TACR3: variants seen among roughly 807,000 people sequenced by gnomAD.
TACR3 encodes tachykinin receptor 3.
Under a neutral mutation model 35.0 loss-of-function variants are expected in TACR3, and 34 were observed. The ratio of observed to expected loss-of-function variants is 0.97; its 90% confidence interval spans 0.74 to 1.30. The LOEUF (loss-of-function observed/expected upper bound fraction) is 1.30. Ranked by LOEUF, TACR3 falls within the 50% of genes most tolerant of loss-of-function variation. TACR3 has a pLI of 0.00. For synonymous variants in TACR3, 233 were observed against 221.1 expected (o/e 1.05, Z -0.48); for missense variants, 558 against 591.7 (o/e 0.94, Z 0.59).
chr4:103,632,676 AAAAG>A (rs917656080), intron 3 of TACR3, among the ~76,000 whole-genome samples: 25 of 151,834 alleles, frequency 1.6e-4, no homozygotes, highest in African/African-American at 4.1e-4. Context: ...GAAATAAAGA[AAAAG>A]AAATATTGTC....
chr4:103,622,093 G>A (rs1157705683), intron 3 of TACR3, among the ~76,000 whole-genome samples: 2 of 152,284 alleles, frequency 1.3e-5, no homozygotes, highest in South Asian at 2.1e-4. Context: ...GAGACTTCTC[G>A]AAGGGGGAGT....
At chr4:103,619,850 C>T (rs6533101) in intron 3 of TACR3, among the ~76,000 whole-genome samples, 78,316 of 151,940 alleles carry the variant, frequency 0.52, 20,578 homozygotes, top group Middle Eastern at 0.6. Context: ...TGAAACAGCC[C>T]TGTATTCCAG....
At chr4:103,611,578 T>C (rs1724513843) in intron 3 of TACR3, among the ~76,000 whole-genome samples, 1 of 152,190 alleles carries the variant, frequency 6.6e-6, no homozygotes, top group African/African-American at 2.4e-5. Flanking sequence ...TTTGAACTAA[T>C]GCAATCTGTA....
intron 1 of TACR3, among the ~76,000 whole-genome samples, chr4:103,706,601 A>C (rs1011765202): frequency 7.2e-5 from 11 of 152,168 alleles, no homozygotes; most frequent in Non-Finnish European, 1.6e-4. Flanking sequence ...AGGGAGAGAA[A>C]GAAAGTACAT....
At chr4:103,677,517 A>G (rs1321464173) in intron 1 of TACR3, among the ~76,000 whole-genome samples, 1 of 152,194 alleles carries the variant, frequency 6.6e-6, no homozygotes, top group Non-Finnish European at 1.5e-5. Flanking sequence ...ACGGAATACT[A>G]TGCAGCCCTA....
intron 1 of TACR3, among the ~76,000 whole-genome samples, chr4:103,689,554 T>C (rs912322335): frequency 1.3e-4 from 20 of 150,508 alleles, no homozygotes; most frequent in African/African-American, 4.9e-4. Context: ...ACAACAACAA[T>C]AAAACCTCTA....
chr4:103,636,520 A>C (rs540466670), intron 3 of TACR3, among the ~76,000 whole-genome samples: 1 of 152,184 alleles, frequency 6.6e-6, no homozygotes, highest in South Asian at 2.1e-4. Flanking sequence ...TAAATAATAC[A>C]ATAATACAAT....
At chr4:103,612,485 A>G (rs1054552608) in intron 3 of TACR3, among the ~76,000 whole-genome samples, 1 of 151,464 alleles carries the variant, frequency 6.6e-6, no homozygotes, top group Admixed American at 6.6e-5. Context: ...CCCTGCTTAA[A>G]TGCAAATCCC....
rs541465282 is a variant in TACR3 at position 103,654,009 on chromosome 4, A to C, written c.888+2185T>G. ...AAACCACAATGAGATACCATCTCAC[A>C]CCAGTTAGAATGGCGAGCATTAAAA... On this transcript the variant is annotated intron_variant, in intron 3 of 4. Transcript: ENST00000304883. 1.4e-4 allele frequency among the ~76,000 whole-genome samples: 20 copies of C among 145,780 alleles called. No individual in the cohort carries two copies. In the East Asian group the frequency reaches 3.1e-3, roughly 23 times the overall value.
intron 1 of TACR3, among the ~76,000 whole-genome samples, chr4:103,690,810 A>G (rs1353282482): frequency 6.6e-6 from 1 of 151,890 alleles, no homozygotes; most frequent in Non-Finnish European, 1.5e-5. Context: ...GTGTGAGGTA[A>G]TGCATTTGTT....
chr4:103,696,793 T>G (rs960553709), intron 1 of TACR3, among the ~76,000 whole-genome samples: 30 of 152,204 alleles, frequency 2.0e-4, no homozygotes, highest in African/African-American at 6.5e-4. Flanking sequence ...CCATCAGTTA[T>G]TCTTCCATAA....
intron 3 of TACR3, among the ~76,000 whole-genome samples, chr4:103,601,036 C>T (rs1339827698): frequency 6.6e-6 from 1 of 152,118 alleles, no homozygotes; most frequent in Non-Finnish European, 1.5e-5. Flanking sequence ...TCTCGTTGAT[C>T]TGTCTAATGT....
At chr4:103,651,886 C>G (rs1033641425) in intron 3 of TACR3, among the ~76,000 whole-genome samples, 1 of 152,024 alleles carries the variant, frequency 6.6e-6, no homozygotes, top group Non-Finnish European at 1.5e-5. Context: ...AAATGTCATC[C>G]TGCACCTAGA....
chr4:103,612,645 A>G (rs1185605073), intron 3 of TACR3, among the ~76,000 whole-genome samples: 2 of 151,968 alleles, frequency 1.3e-5, no homozygotes, highest in African/African-American at 4.8e-5. Context: ...AGTACCTGGG[A>G]CTACAGGTGT....
At chr4:103,684,509 C>G (rs769358982) in intron 1 of TACR3, among the ~76,000 whole-genome samples, 1 of 152,132 alleles carries the variant, frequency 6.6e-6, no homozygotes, top group Non-Finnish European at 1.5e-5. Context: ...CATGCAGAAT[C>G]TACATGATGA....
intron 3 of TACR3, among the ~76,000 whole-genome samples, chr4:103,640,555 A>G (rs534684107): frequency 4.8e-4 from 73 of 151,972 alleles, no homozygotes; most frequent in African/African-American, 1.7e-3. Context: ...TTCCTTATGT[A>G]TTTTGGATAC....
At chr4:103,608,279 CA>C (rs1203846424) in intron 3 of TACR3, among the ~76,000 whole-genome samples, 1 of 151,972 alleles carries the variant, frequency 6.6e-6, no homozygotes, top group African/African-American at 2.4e-5. Flanking sequence ...AGCTGGAGGC[CA>C]TAATCCTCAA....
At chr4:103,666,457 T>C (rs1169979929) in intron 1 of TACR3, among the ~76,000 whole-genome samples, 1 of 152,168 alleles carries the variant, frequency 6.6e-6, no homozygotes, top group Non-Finnish European at 1.5e-5. Flanking sequence ...ATTTAGGTAT[T>C]AAACATGACC....
At chr4:103,656,946 A>AAAAAC (rs143039935) in intron 2 of TACR3, among the ~76,000 whole-genome samples, 4,204 of 150,948 alleles carry the variant, frequency 0.028, 195 homozygotes, top group African/African-American at 0.095. Context: ...TTAACTTGGT[A>AAAAAC]AAAACAAAAC....
Sources: allele counts gnomAD v4.1 joint callset (sites outside exome capture counted in the v4.1 genomes callset), GRCh38; gene constraint gnomAD v4.1.1; transcripts MANE v1.5; gene names NCBI Gene and HGNC (gene_info 2026-07-23, HGNC 2026-07-21).